The following PDE1C variants were observed in gnomAD, a reference collection of about 807,000 sequenced individuals.
PDE1C encodes dual specificity calcium/calmodulin-dependent 3',5'-cyclic nucleotide phosphodiesterase 1C.
In PDE1C, 62 loss-of-function variants were observed where a neutral mutation model predicts 93.1. The ratio of observed to expected loss-of-function variants is 0.67; its 90% confidence interval spans 0.54 to 0.82. The LOEUF is 0.82. Ranked by LOEUF, PDE1C falls within the 40% of genes least tolerant of loss-of-function variation. PDE1C has a pLI of 0.00. For synonymous variants in PDE1C, 325 were observed against 310.1 expected, an observed-to-expected ratio of 1.05 and a Z score of -0.50; for missense variants, 742 against 884.6, an observed-to-expected ratio of 0.84 and a Z score of 2.04.
At chr7:31,946,247 C>T (rs889942268) in intron 2 of PDE1C, among the ~76,000 whole-genome samples, 2 of 152,102 alleles carry the variant, frequency 1.3e-5, no homozygotes, top group Non-Finnish European at 2.9e-5. Context: ...GGGCTTGCAT[C>T]TCTGACATAA....
intron 17 of PDE1C, among the ~76,000 whole-genome samples, chr7:31,775,331 C>T (rs562833222): frequency 2.6e-5 from 4 of 152,262 alleles, no homozygotes; most frequent in East Asian, 1.9e-4. Context: ...ACCTGAGTCT[C>T]GATCTCACCA....
the PDE1C span, chr7:31,658,330 G>T: frequency 6.6e-7 from 1 of 1,520,110 alleles, no homozygotes; most frequent in South Asian, 1.2e-5. Context: ...AAATAACTCT[G>T]CTAAAGATGA....
intron 13 of PDE1C, among the ~76,000 whole-genome samples, chr7:31,824,054 G>T (rs1789339143): frequency 6.6e-6 from 1 of 151,982 alleles, no homozygotes; most frequent in South Asian, 2.1e-4. Context: ...GCATCCCTGG[G>T]GTCCCCTGTC....
chr7:32,160,250 A>G (rs1801831017), intron 3 of PDE1C, among the ~76,000 whole-genome samples: 1 of 152,194 alleles, frequency 6.6e-6, no homozygotes, highest in South Asian at 2.1e-4. Flanking sequence ...AGAAAAAAAA[A>G]GTATCATCCA....
At chr7:32,155,495 A>C (rs1261462553) in intron 3 of PDE1C, among the ~76,000 whole-genome samples, 1 of 152,192 alleles carries the variant, frequency 6.6e-6, no homozygotes, top group Non-Finnish European at 1.5e-5. Context: ...AACCACCTCA[A>C]AGGTCCCAGG....
intron 2 of PDE1C, among the ~76,000 whole-genome samples, chr7:32,034,054 C>CTGTGTGTGTGTGTGTGTGTGTGTGTGTG (rs5883321): frequency 1.3e-5 from 2 of 148,396 alleles, no homozygotes; most frequent in African/African-American, 5.0e-5. Flanking sequence ...AGATGAGAGA[C>CTGTGTGTGTGTGTGTGTGTGTGTGTGTG]TGTGTGTGTG....
At chr7:31,620,751 C>G in the PDE1C span, among the ~76,000 whole-genome samples, 9 of 152,138 alleles carry the variant, frequency 5.9e-5, no homozygotes, top group African/African-American at 9.7e-5. Flanking sequence ...TGGAACAAAG[C>G]TGGATGGAGA....
chr7:32,050,857 T>C (rs77444454), intron 2 of PDE1C, among the ~76,000 whole-genome samples: 1,791 of 152,312 alleles, frequency 0.012, 34 homozygotes, highest in African/African-American at 0.041. Flanking sequence ...GGGCTTCCCA[T>C]TGGACTTCGG....
intron 2 of PDE1C, among the ~76,000 whole-genome samples, chr7:31,954,973 A>G (rs1435046252): frequency 6.6e-6 from 1 of 152,200 alleles, no homozygotes. Context: ...GGACAATAAC[A>G]TTTTACCTCT....
intron 2 of PDE1C, among the ~76,000 whole-genome samples, chr7:31,990,313 G>A (rs1350579471): frequency 1.3e-5 from 2 of 152,162 alleles, no homozygotes; most frequent in African/African-American, 4.8e-5. Flanking sequence ...ATAAATGGGA[G>A]TTCCCCCACA....
At chr7:31,880,974 T>G in intron 2 of PDE1C, 114 bp from the exon 3 acceptor site, 1 of 698,984 alleles carries the variant, frequency 1.4e-6, no homozygotes, top group Non-Finnish European at 2.5e-6. Context: ...CTGATACATC[T>G]GAAAGGAAAA....
chr7:32,093,351 T>C (rs1286405127), intron 3 of PDE1C, among the ~76,000 whole-genome samples: 1 of 152,226 alleles, frequency 6.6e-6, no homozygotes, highest in Non-Finnish European at 1.5e-5. Flanking sequence ...AAAGCAAGCT[T>C]GTCACTTGTG....
intron 1 of PDE1C, among the ~76,000 whole-genome samples, chr7:32,357,537 C>T (rs1276985417): frequency 1.3e-5 from 2 of 152,272 alleles, no homozygotes; most frequent in Non-Finnish European, 2.9e-5. Context: ...TTTGGAGGAA[C>T]TAAAATGTTG....
intron 2 of PDE1C, among the ~76,000 whole-genome samples, chr7:31,920,987 G>A (rs1203309910): frequency 2.6e-5 from 4 of 152,150 alleles, no homozygotes; most frequent in Non-Finnish European, 5.9e-5. Flanking sequence ...TTCAGTAGAA[G>A]AGGGAATCAC....
chr7:32,010,507 A>G (rs1786929674), intron 2 of PDE1C, among the ~76,000 whole-genome samples: 1 of 152,256 alleles, frequency 6.6e-6, no homozygotes, highest in African/African-American at 2.4e-5. Context: ...AAAATGAATC[A>G]TAGACCTAAA....
chr7:32,191,503 G>GT (rs910148558), intron 2 of PDE1C, among the ~76,000 whole-genome samples: 1 of 151,976 alleles, frequency 6.6e-6, no homozygotes, highest in Non-Finnish European at 1.5e-5. Flanking sequence ...TAGGGGACTG[G>GT]TTTTTTTCAC....
chr7:31,770,416 AT>A (rs1480412728), intron 17 of PDE1C, among the ~76,000 whole-genome samples: 1 of 151,986 alleles, frequency 6.6e-6, no homozygotes, highest in Non-Finnish European at 1.5e-5. Flanking sequence ...CAATTACCTA[AT>A]TTTTTCTTGG....
In PDE1C at chr7:31,833,374, A is replaced by G. The variant is rs534406104; in HGVS notation, c.1203+3806T>C. ...GGTACTGGTAGAGTGTGGCTCTGCT[A>G]TAAAGATACCTGATATGTGGAAGCG... On this transcript the variant is annotated intron_variant, in intron 11 of 17. Coordinates refer to ENST00000396191, the MANE Select transcript of PDE1C (RefSeq NM_001191057.4). 1.4e-3 allele frequency among the ~76,000 whole-genome samples: 210 copies of G among 152,308 alleles called. 2 individuals carry two copies. Among genetic ancestry groups the G allele is most frequent in the African/African-American group, 4.8e-3 (200 of 41,568 alleles).
chr7:31,715,170 C>T, the PDE1C span, among the ~76,000 whole-genome samples: 1 of 151,890 alleles, frequency 6.6e-6, no homozygotes, highest in Non-Finnish European at 1.5e-5. Context: ...GAACTATTTA[C>T]TATTAACAAT....
Sources: gnomAD v4.1 joint callset for allele counts (sites outside exome capture counted in the v4.1 genomes callset) on GRCh38, gnomAD v4.1.1 for gene constraint, MANE v1.5 for transcripts, NCBI Gene and HGNC (gene_info 2026-07-23, HGNC 2026-07-21) for gene names.